The following RBFOX1 variants were observed in gnomAD, a reference collection of about 807,000 sequenced individuals.
The protein encoded by RBFOX1 is RNA binding protein fox-1 homolog 1.
RBFOX1 carries 8 observed loss-of-function variants against 57.7 expected under a neutral mutation model. That is an observed-to-expected ratio of 0.14 (90% CI 0.08 to 0.25). RBFOX1 has a LOEUF of 0.25. Among genes scored for constraint, RBFOX1 ranks in the 10% least tolerant of loss-of-function variants. The probability of loss-of-function intolerance (pLI) is 1.00; values close to 1 mark genes in which losing one functional copy is unlikely to be tolerated. For missense variants in RBFOX1, 611 were observed against 548.5 expected (o/e 1.11, Z -1.14); for synonymous variants, 326 against 222.4 (o/e 1.47, Z -4.15).
chr16:5,271,906 A>G (rs1202161592), intron 1 of RBFOX1, among the ~76,000 whole-genome samples: 2 of 152,158 alleles, frequency 1.3e-5, no homozygotes, highest in African/African-American at 2.4e-5. Context: ...AAGTTCGTCT[A>G]TGTTGTTGAA....
chr16:7,520,557 G>A (rs953448959), intron 5 of RBFOX1, among the ~76,000 whole-genome samples: 13 of 152,164 alleles, frequency 8.5e-5, no homozygotes, highest in Non-Finnish European at 7.3e-5. Context: ...TGGATAGACC[G>A]TGTTTATTTA....
chr16:6,894,990 G>A (rs960884422), intron 3 of RBFOX1, among the ~76,000 whole-genome samples: 1 of 152,124 alleles, frequency 6.6e-6, no homozygotes, highest in African/African-American at 2.4e-5. Context: ...CAGAGACTCT[G>A]AAAATTACCA....
At chr16:5,331,597 A>C (rs2064759107) in intron 1 of RBFOX1, among the ~76,000 whole-genome samples, 1 of 152,276 alleles carries the variant, frequency 6.6e-6, no homozygotes, top group African/African-American at 2.4e-5. Flanking sequence ...TTGACGGTAC[A>C]TTGGCCAAAG....
At chr16:6,032,378 A>G (rs150318925) in intron 1 of RBFOX1, among the ~76,000 whole-genome samples, 1 of 13,950 alleles carries the variant, frequency 7.2e-5, no homozygotes, top group African/African-American at 9.7e-4. Context: ...TCTTCTACTT[A>G]TTAAAAAAAT....
At chr16:5,751,648 G>T (rs2151620735) in intron 3 of RBFOX1, among the ~76,000 whole-genome samples, 1 of 152,272 alleles carries the variant, frequency 6.6e-6, no homozygotes, top group East Asian at 1.9e-4. Flanking sequence ...CTACTCTAAA[G>T]GTGAGGAGCA....
rs1466309679 is a variant in RBFOX1 at position 7,510,291 on chromosome 16, A to G, written c.28-7856A>G. 3.4e-5 allele frequency: 34 copies of G among 985,820 alleles called. No homozygotes were observed. The highest frequency in any genetic ancestry group is 4.7e-5 in the South Asian group (1 of 21,292). 61.1% of individuals were successfully genotyped at this position (985,820 alleles called of 1,614,324 possible). The stretch of plus-strand genomic sequence containing the variant: ...CAGCTGCTAAGTTTATGGAGGAGAA[A>G]GGAAGCAGGATGGTGCAGCAGGTAT... On this transcript the variant is annotated intron_variant, in intron 4 of 15. Transcript: ENST00000550418.
intron 3 of RBFOX1, among the ~76,000 whole-genome samples, chr16:6,804,842 A>G (rs1429112546): frequency 6.6e-6 from 1 of 152,176 alleles, no homozygotes; most frequent in African/African-American, 2.4e-5. Flanking sequence ...ATTGGCAGTT[A>G]TGTCCTCCAT....
At chr16:6,761,946 A>C (rs768838266) in intron 3 of RBFOX1, among the ~76,000 whole-genome samples, 5 of 151,990 alleles carry the variant, frequency 3.3e-5, no homozygotes, top group Non-Finnish European at 7.4e-5. Context: ...TATCTCTGAC[A>C]TTTTTTGTTC....
chr16:7,191,528 G>C (rs117433097), intron 4 of RBFOX1, among the ~76,000 whole-genome samples: 2,631 of 152,236 alleles, frequency 0.017, 32 homozygotes, highest in South Asian at 0.043. Flanking sequence ...AATTTTTAGA[G>C]TTGACATTTA....
intron 3 of RBFOX1, among the ~76,000 whole-genome samples, chr16:6,953,272 T>C (rs920165905): frequency 2.6e-5 from 4 of 152,172 alleles, no homozygotes; most frequent in African/African-American, 9.6e-5. Context: ...TTCAAACATA[T>C]ACACCGAAAT....
intron 4 of RBFOX1, among the ~76,000 whole-genome samples, chr16:5,896,022 T>C (rs2058156047): frequency 6.6e-6 from 1 of 152,094 alleles, no homozygotes; most frequent in Admixed American, 6.5e-5. Flanking sequence ...CTGTCTTACG[T>C]TGGGTACTTC....
chr16:6,248,001 T>C (rs1296891853), intron 1 of RBFOX1, among the ~76,000 whole-genome samples: 1 of 152,156 alleles, frequency 6.6e-6, no homozygotes, highest in Admixed American at 6.5e-5. Flanking sequence ...TTACTGTCAG[T>C]TGACAGTGAG....
intron 4 of RBFOX1, among the ~76,000 whole-genome samples, chr16:7,077,439 C>T (rs900030026): frequency 6.6e-6 from 1 of 152,262 alleles, no homozygotes; most frequent in East Asian, 1.9e-4. Flanking sequence ...GCATCAAAAG[C>T]ACAGAGTCTC....
chr16:7,189,282 C>A (rs974169242), intron 4 of RBFOX1, among the ~76,000 whole-genome samples: 17 of 151,588 alleles, frequency 1.1e-4, no homozygotes, highest in Non-Finnish European at 2.2e-4. Context: ...AAAAATTAGC[C>A]GGGCGTGGTG....
At chr16:6,908,554 G>C (rs986443031) in intron 3 of RBFOX1, among the ~76,000 whole-genome samples, 5 of 152,146 alleles carry the variant, frequency 3.3e-5, no homozygotes, top group Admixed American at 2.0e-4. Context: ...CTACTTTTCA[G>C]AGTGCCAAGC....
intron 2 of RBFOX1, among the ~76,000 whole-genome samples, chr16:6,395,578 T>C (rs1164062817): frequency 2.6e-5 from 2 of 75,912 alleles, no homozygotes; most frequent in Non-Finnish European, 5.3e-5. Flanking sequence ...AAAAAACATA[T>C]AATTATATAC....
chr16:5,606,459 C>T (rs2047583072), intron 3 of RBFOX1, among the ~76,000 whole-genome samples: 1 of 152,116 alleles, frequency 6.6e-6, no homozygotes, highest in African/African-American at 2.4e-5. Context: ...ATTCCTCCCT[C>T]CCTTCCTTCC....
chr16:7,676,640 A>G, intron 13 of RBFOX1, 134 bp from the exon 14 acceptor site: 1 of 744,750 alleles, frequency 1.3e-6, no homozygotes. Context: ...TTTCGCTTTG[A>G]TACTAAGCTT....
At chr16:6,660,301 A>AT (rs1402962128) in intron 3 of RBFOX1, among the ~76,000 whole-genome samples, 2 of 152,006 alleles carry the variant, frequency 1.3e-5, no homozygotes, top group African/African-American at 4.8e-5. Context: ...TGGGCTTAAT[A>AT]CCTTGGTGAT....
Sources: gnomAD v4.1 joint callset for allele counts (sites outside exome capture counted in the v4.1 genomes callset) on GRCh38, gnomAD v4.1.1 for gene constraint, MANE v1.5 for transcripts, NCBI Gene and HGNC (gene_info 2026-07-23, HGNC 2026-07-21) for gene names.